ST3GAL3: variants seen among roughly 807,000 people sequenced by gnomAD.
The protein encoded by ST3GAL3 is CMP-N-acetylneuraminate-beta-1,4-galactoside alpha-2,3-sialyltransferase.
Under a neutral mutation model 50.1 loss-of-function variants are expected in ST3GAL3, and 21 were observed. The ratio of observed to expected loss-of-function variants is 0.42; its 90% CI spans 0.30 to 0.60. The LOEUF is 0.60. Ranked by LOEUF, ST3GAL3 falls within the 20% of genes least tolerant of loss-of-function variation. The probability of loss-of-function intolerance (pLI) is 0.19; values close to 1 mark genes in which losing one functional copy is unlikely to be tolerated. For missense variants in ST3GAL3, 353 were observed against 489.4 expected (o/e 0.72, Z 2.63); for synonymous variants, 183 against 190.0 (o/e 0.96, Z 0.30).
chr1:43,897,891 G>C (rs892398219), intron 6 of ST3GAL3, among the ~76,000 whole-genome samples: 1 of 152,180 alleles, frequency 6.6e-6, no homozygotes, highest in African/African-American at 2.4e-5. Context: ...GACTGCGTGC[G>C]CCAGCTTCCA....
intron 1 of ST3GAL3, among the ~76,000 whole-genome samples, chr1:43,711,839 G>A (rs1474248025): frequency 1.3e-5 from 2 of 152,170 alleles, no homozygotes; most frequent in African/African-American, 4.8e-5. Context: ...ATTATATTCA[G>A]GGTATTCAAT....
intron 5 of ST3GAL3, among the ~76,000 whole-genome samples, chr1:43,884,338 CT>C (rs1263191267): frequency 6.6e-6 from 1 of 152,236 alleles, no homozygotes; most frequent in African/African-American, 2.4e-5. Context: ...CCTTCGACTC[CT>C]GCTCTCCCAT....
intron 2 of ST3GAL3, among the ~76,000 whole-genome samples, chr1:43,767,218 G>A (rs893271549): frequency 3.9e-5 from 6 of 152,154 alleles, no homozygotes; most frequent in African/African-American, 1.4e-4. Flanking sequence ...TAACATCTGA[G>A]CTGAGTAGGG....
chr1:43,830,335 C>G (rs1191196764), intron 4 of ST3GAL3, among the ~76,000 whole-genome samples: 2 of 151,974 alleles, frequency 1.3e-5, no homozygotes, highest in Non-Finnish European at 2.9e-5. Context: ...CCACACCTGG[C>G]CCCCCAAAAA....
intron 10 of ST3GAL3, 68 bp from the exon 11 acceptor site, chr1:43,920,714 G>A: frequency 6.2e-7 from 1 of 1,613,076 alleles, no homozygotes; most frequent in African/African-American, 1.3e-5. Context: ...CTTGGCTGAA[G>A]TCTCAGCTGT....
intron 4 of ST3GAL3, among the ~76,000 whole-genome samples, chr1:43,831,361 T>C (rs898908279): frequency 6.6e-6 from 1 of 152,236 alleles, no homozygotes; most frequent in Admixed American, 6.5e-5. Context: ...GATGGGTCCA[T>C]GTATGATATA....
intron 1 of ST3GAL3, among the ~76,000 whole-genome samples, chr1:43,719,581 C>T (rs572590152): frequency 1.3e-5 from 2 of 151,766 alleles, no homozygotes; most frequent in South Asian, 4.2e-4. Context: ...ACGAGAATTG[C>T]TTGAACCTGG....
intron 5 of ST3GAL3, among the ~76,000 whole-genome samples, chr1:43,880,500 C>T (rs894413455): frequency 1.3e-5 from 2 of 151,824 alleles, no homozygotes; most frequent in Non-Finnish European, 2.9e-5. Flanking sequence ...GGCTTCATTC[C>T]ACTGTTACGC....
chr1:43,802,622 G>A (rs901783223), intron 3 of ST3GAL3, among the ~76,000 whole-genome samples: 1 of 152,204 alleles, frequency 6.6e-6, no homozygotes, highest in Non-Finnish European at 1.5e-5. Flanking sequence ...CACCTGGCTG[G>A]CCTGCCACTG....
chr1:43,791,974 C>G, intron 2 of ST3GAL3, 128 bp from the exon 3 acceptor site: 1 of 1,098,484 alleles, frequency 9.1e-7, no homozygotes, highest in South Asian at 1.3e-5. Context: ...GCCTGGGAGG[C>G]TGGGCTGTTC....
chr1:43,830,055 T>C (rs1046414898), intron 4 of ST3GAL3, among the ~76,000 whole-genome samples: 5 of 129,644 alleles, frequency 3.9e-5, no homozygotes, highest in Middle Eastern at 4.1e-3. Flanking sequence ...TCGCCCAGGC[T>C]GGAGTTCAGT....
rs772549263 is a variant in ST3GAL3, at chr1:43,898,022, G to A, written c.398-213G>A. 5.3e-5 allele frequency among the ~76,000 whole-genome samples: 8 copies of A among 152,246 alleles called. No individual in the cohort carries two copies. The East Asian group carries it at 7.7e-4, about 15-fold the overall frequency. ...GTGCCAGTGTTAGGGACGGGCTCCC[G>A]GCAGTGATATGCCTGTCTGTTTCCT... On this transcript the variant is annotated intron_variant, in intron 6 of 11. Transcript: ENST00000347631.
intron 2 of ST3GAL3, among the ~76,000 whole-genome samples, chr1:43,766,883 C>T (rs536437940): frequency 6.6e-6 from 1 of 152,098 alleles, no homozygotes; most frequent in Non-Finnish European, 1.5e-5. Context: ...ACTCTCAAGC[C>T]TGGACTTGAA....
intron 4 of ST3GAL3, 39 bp from the exon 5 acceptor site, chr1:43,838,180 A>C (rs760519855): frequency 6.7e-7 from 1 of 1,500,138 alleles, no homozygotes; most frequent in Non-Finnish European, 9.2e-7. Flanking sequence ...CTCAGTGCTC[A>C]GTGCCTGGCA....
At chr1:43,765,755 G>GTGTGTGTC (rs1183548253) in intron 2 of ST3GAL3, among the ~76,000 whole-genome samples, 2 of 69,010 alleles carry the variant, frequency 2.9e-5, no homozygotes, top group Non-Finnish European at 6.3e-5. Flanking sequence ...GTGTGTGTCT[G>GTGTGTGTC]TGTGTGTGTG....
At chr1:43,847,031 A>C (rs950577639) in intron 5 of ST3GAL3, among the ~76,000 whole-genome samples, 1 of 152,200 alleles carries the variant, frequency 6.6e-6, no homozygotes, top group Non-Finnish European at 1.5e-5. Context: ...AATGGCCAAA[A>C]AGCACATAAA....
At chr1:43,721,896 G>A (rs773998436) in intron 1 of ST3GAL3, among the ~76,000 whole-genome samples, 5 of 152,054 alleles carry the variant, frequency 3.3e-5, no homozygotes, top group Non-Finnish European at 5.9e-5. Context: ...CCACATACCC[G>A]GCCCCCTCAT....
At chr1:43,813,894 C>T (rs1353615801) in intron 3 of ST3GAL3, among the ~76,000 whole-genome samples, 7 of 31,216 alleles carry the variant, frequency 2.2e-4, no homozygotes, top group Admixed American at 9.3e-4. Flanking sequence ...CACACACACA[C>T]GCACACACGC....
chr1:43,775,828 A>G (rs906001801), intron 2 of ST3GAL3, among the ~76,000 whole-genome samples: 1 of 152,012 alleles, frequency 6.6e-6, no homozygotes, highest in Non-Finnish European at 1.5e-5. Flanking sequence ...CCTCAATATA[A>G]TATTAAGTAA....
Sources: gnomAD v4.1 joint callset for allele counts (sites outside exome capture counted in the v4.1 genomes callset) on GRCh38, gnomAD v4.1.1 for gene constraint, MANE v1.5 for transcripts, NCBI Gene and HGNC (gene_info 2026-07-23, HGNC 2026-07-21) for gene names.